Variants in CUX2 observed in about 807,000 individuals in gnomAD.
The protein encoded by CUX2 is homeobox protein cut-like 2.
Under a neutral mutation model 144.8 loss-of-function variants are expected in CUX2, and 40 were observed. That is an observed-to-expected ratio of 0.28 (90% confidence interval 0.21 to 0.36). CUX2 has a LOEUF of 0.36. CUX2 is among the 10% of genes least tolerant of loss of function. CUX2 has a pLI of 1.00. For missense variants in CUX2, 1,615 were observed against 1,994.0 expected (o/e 0.81, Z 3.62); for synonymous variants, 827 against 875.6 (o/e 0.94, Z 0.98).
chr12:111,199,269 G>C (rs1245533893), intron 1 of CUX2, among the ~76,000 whole-genome samples: 2 of 152,132 alleles, frequency 1.3e-5, no homozygotes, highest in South Asian at 2.1e-4. Flanking sequence ...CCTGGGGTTA[G>C]AGCTAGCAAG....
chr12:111,125,851 T>C (rs535883055), intron 1 of CUX2, among the ~76,000 whole-genome samples: 3 of 152,322 alleles, frequency 2.0e-5, no homozygotes, highest in African/African-American at 7.2e-5. Context: ...GGTCAGATCT[T>C]CCAATTTTTT....
chr12:111,343,527 G>A (rs1888668148), intron 21 of CUX2, among the ~76,000 whole-genome samples: 1 of 152,080 alleles, frequency 6.6e-6, no homozygotes, highest in South Asian at 2.1e-4. Flanking sequence ...AATGTCTCTT[G>A]ATCCCCAAGG....
At chr12:111,317,718 G>C (rs542087733) in intron 16 of CUX2, among the ~76,000 whole-genome samples, 2 of 152,116 alleles carry the variant, frequency 1.3e-5, no homozygotes, top group Non-Finnish European at 2.9e-5. Context: ...GATACCGACC[G>C]GGCGCGGTGG....
intron 1 of CUX2, among the ~76,000 whole-genome samples, chr12:111,073,546 T>C (rs78851228): frequency 0.015 from 2,212 of 152,212 alleles, 90 homozygotes; most frequent in African/African-American, 0.051. Context: ...ACACCATTGA[T>C]GTTTGGGGCC....
At chr12:111,100,224 T>G in intron 1 of CUX2, 1 of 361,588 alleles carries the variant, frequency 2.8e-6, no homozygotes, top group Admixed American at 3.6e-5. Context: ...TGCTTGTGTC[T>G]GTGTGTGTCC....
chr12:111,084,841 C>T (rs542721042), intron 1 of CUX2, among the ~76,000 whole-genome samples: 9 of 152,254 alleles, frequency 5.9e-5, no homozygotes, highest in East Asian at 1.9e-4. Flanking sequence ...ACTCGGGCTC[C>T]GGGGTGCCCA....
intron 1 of CUX2, among the ~76,000 whole-genome samples, chr12:111,157,167 G>A (rs1430924927): frequency 6.7e-6 from 1 of 150,226 alleles, no homozygotes; most frequent in Non-Finnish European, 1.5e-5. Context: ...GACTTTGAGG[G>A]AGGCTGCATT....
intron 1 of CUX2, among the ~76,000 whole-genome samples, chr12:111,165,343 AC>A (rs1454731613): frequency 6.6e-6 from 1 of 152,188 alleles, no homozygotes; most frequent in Non-Finnish European, 1.5e-5. Context: ...TCAGAGCCAA[AC>A]CAGAGTGACC....
At position 111,308,538 on chromosome 12, in the gene CUX2, G is replaced by A. The variant is rs1176643014; in HGVS notation, c.1258+12G>A. ...CCTGGCCAGCCCTGGTAGGGGAGGAGGATACTCTGGGGCTGAGGGCTGGGG... is the reference window on the plus strand; with the variant it reads ...CCTGGCCAGCCCTGGTAGGGGAGGAAGATACTCTGGGGCTGAGGGCTGGGG... On this transcript the variant is annotated intron_variant, in intron 14 of 21. Transcript: ENST00000261726. The A allele has an allele frequency of 6.3e-7, 1 of 1,598,404 alleles. No individual in the cohort carries two copies. Among genetic ancestry groups the A allele is most frequent in the African/African-American group, 1.3e-5 (1 of 74,428 alleles).
intron 1 of CUX2, 113 bp from the exon 2 acceptor site, chr12:111,214,087 G>A: frequency 2.0e-6 from 1 of 506,636 alleles, no homozygotes. Flanking sequence ...AGCTTTGTAA[G>A]TTAAGAAAAC....
chr12:111,252,852 A>G lies in CUX2; in HGVS notation c.223-10909A>G, dbSNP rs566635472. Among the ~76,000 whole-genome samples the G allele has an allele frequency of 2.6e-5, 4 of 151,436 alleles. No individual in the cohort carries two copies. The South Asian group carries it at 6.3e-4, about 24-fold the overall frequency. ...TGAGGCAGGAGGATCACATGAGCCC[A>G]GGAGTTCCAGACCAGTGTGGGCAAC... On this transcript the variant is annotated intron_variant, in intron 3 of 21. Transcript: ENST00000261726.
chr12:111,134,620 CTGTGTGTG>C (rs750270262), intron 1 of CUX2, among the ~76,000 whole-genome samples: 1 of 142,206 alleles, frequency 7.0e-6, no homozygotes, highest in Non-Finnish European at 1.5e-5. Flanking sequence ...CTCTCTCTCT[CTGTGTGTG>C]TGTGTGTGTG....
At chr12:111,233,682 G>A (rs1483955897) in intron 3 of CUX2, among the ~76,000 whole-genome samples, 1 of 152,156 alleles carries the variant, frequency 6.6e-6, no homozygotes, top group Non-Finnish European at 1.5e-5. Flanking sequence ...GGCTGTTGTG[G>A]AATATTCTGG....
chr12:111,041,889 A>G (rs931896586), intron 1 of CUX2, among the ~76,000 whole-genome samples: 1 of 152,202 alleles, frequency 6.6e-6, no homozygotes, highest in African/African-American at 2.4e-5. Context: ...TGACCAATGC[A>G]TGAAGATACC....
At position 111,320,754 on chromosome 12, in the gene CUX2, CCAGAGGAT is replaced by C. The variant is rs1226520834; in HGVS notation, c.2747_2754del (p.Gln916LeufsTer43). ...AGAAGCTGGCCAAGAACGGCATCTGCCAGAGGATCTTCGGGGAGAAGGTGAGTGCAGGG... is the reference window on the plus strand; with the variant it reads ...AGAAGCTGGCCAAGAACGGCATCTGCCTTCGGGGAGAAGGTGAGTGCAGGG... On this transcript the variant is annotated frameshift_variant, in exon 17 of 22. Coordinates refer to ENST00000261726, the MANE Select transcript of CUX2 (RefSeq NM_015267.4). LOFTEE classifies it high-confidence loss of function. This position sits in a 1 kb window ranked among gnomAD's most constrained non-coding sequence, Gnocchi z 8.1. 6.4e-7 allele frequency: 1 copy of C among 1,572,350 alleles called. No individual in the cohort carries two copies. The highest frequency in any genetic ancestry group is 1.4e-5 in the African/African-American group (1 of 73,100).
In CUX2 at chr12:111,241,150, G is replaced by T. The variant is rs1313738429; in HGVS notation, c.223-22611G>T. Reference sequence around the variant, plus strand: ...TTGGGGTGGTAGGTGGAAGGGGAGAGGGCGTATGCAGAGATCACATGGTGA... The same window carrying T: ...TTGGGGTGGTAGGTGGAAGGGGAGATGGCGTATGCAGAGATCACATGGTGA... On this transcript the variant is annotated intron_variant, in intron 3 of 21. Transcript: ENST00000261726. Among the ~76,000 whole-genome samples, 5 of 152,276 alleles carry T rather than the reference G, an allele frequency of 3.3e-5. No homozygotes were observed. The East Asian group carries it at 9.6e-4, about 29-fold the overall frequency.
intron 1 of CUX2, among the ~76,000 whole-genome samples, chr12:111,135,345 G>A (rs1043334941): frequency 6.6e-6 from 1 of 152,154 alleles, no homozygotes; most frequent in African/African-American, 2.4e-5. Context: ...AGGATATCGG[G>A]GAAAGGGCAT....
rs1885465911 is a variant in CUX2, at chr12:111,287,760, G to A, written c.302-3658G>A. Among the ~76,000 whole-genome samples the A allele has an allele frequency of 6.6e-6, 1 of 152,230 alleles. No homozygotes were observed. Among genetic ancestry groups the A allele is most frequent in the East Asian group, 1.9e-4 (1 of 5,200 alleles). ...CTCGGCATGGACGCCCATTGTCCAA[G>A]CCCCTGCCACCTAAACAAACAGGCC... On this transcript the variant is annotated intron_variant, in intron 4 of 21. Coordinates refer to ENST00000261726, the MANE Select transcript of CUX2 (RefSeq NM_015267.4). This position sits in a 1 kb window ranked among gnomAD's most constrained non-coding sequence, Gnocchi z 4.2.
At chr12:111,221,629 T>C (rs1881864605) in intron 3 of CUX2, among the ~76,000 whole-genome samples, 1 of 152,144 alleles carries the variant, frequency 6.6e-6, no homozygotes, top group Non-Finnish European at 1.5e-5. Context: ...AAATATACCA[T>C]GTTCAGTTTC....
Sources: allele counts gnomAD v4.1 joint callset (sites outside exome capture counted in the v4.1 genomes callset), GRCh38; gene constraint gnomAD v4.1.1; non-coding constraint Gnocchi (gnomAD v3.1); transcripts MANE v1.5; gene names NCBI Gene and HGNC (gene_info 2026-07-23, HGNC 2026-07-21).